APCDD1: variants seen among roughly 807,000 people sequenced by gnomAD.
The protein encoded by APCDD1 is protein APCDD1.
In APCDD1, 15 loss-of-function variants were observed where a neutral mutation model predicts 38.1. The ratio of observed to expected loss-of-function variants is 0.39; its 90% CI spans 0.26 to 0.61. APCDD1 has a LOEUF of 0.61. Among genes scored for constraint, APCDD1 ranks in the 20% least tolerant of loss-of-function variants. The pLI, the probability that APCDD1 is intolerant of heterozygous loss-of-function variation, is 0.49. For missense variants in APCDD1, 647 were observed against 696.2 expected (o/e 0.93, Z 0.79); for synonymous variants, 261 against 279.7 (o/e 0.93, Z 0.67).
chr18:10,474,566 T>C (rs1335584025), intron 3 of APCDD1, among the ~76,000 whole-genome samples: 1 of 152,212 alleles, frequency 6.6e-6, no homozygotes, highest in East Asian at 1.9e-4. Context: ...CAGGTTCTGG[T>C]TCCTTTTCCT....
In APCDD1 at chr18:10,470,327, G is replaced by A. The variant is rs981991148; in HGVS notation, c.243-1203G>A. The stretch of plus-strand genomic sequence containing the variant: ...TCTTTCCTTGTGGGAGAAATCTGGG[G>A]TGTTTGCTCTCTCCTTTTTCTAAGA... On this transcript the variant is annotated intron_variant, in intron 2 of 4. Transcript: ENST00000355285. This position sits in a 1 kb window ranked among gnomAD's most constrained non-coding sequence, Gnocchi z 4.1. Among the ~76,000 whole-genome samples the A allele has an allele frequency of 2.0e-5, 3 of 152,190 alleles. No homozygotes were observed. The highest frequency in any genetic ancestry group is 6.5e-5 in the Admixed American group (1 of 15,290).
intron 4 of APCDD1, 28 bp from the exon 5 acceptor site, chr18:10,487,562 T>G (rs2031274310): frequency 6.2e-7 from 1 of 1,611,144 alleles, no homozygotes; most frequent in Non-Finnish European, 8.5e-7. Context: ...CTCCCTGGAG[T>G]CATGGAACTC....
chr18:10,474,895 T>G (rs1196093942), intron 3 of APCDD1, among the ~76,000 whole-genome samples: 2 of 152,190 alleles, frequency 1.3e-5, no homozygotes, highest in African/African-American at 4.8e-5. Context: ...AAGCTGACCT[T>G]TTTAGAATTT....
chr18:10,481,931 C>T (rs2031149340), intron 3 of APCDD1, among the ~76,000 whole-genome samples: 2 of 152,132 alleles, frequency 1.3e-5, no homozygotes, highest in South Asian at 4.1e-4. Flanking sequence ...TGACCAAGTC[C>T]CACTGGGTCC....
chr18:10,487,566 G>A (rs1260963896), intron 4 of APCDD1, 24 bp from the exon 5 acceptor site: 1 of 1,612,812 alleles, frequency 6.2e-7, no homozygotes, highest in Non-Finnish European at 8.5e-7. Flanking sequence ...CTGGAGTCAT[G>A]GAACTCTCCT....
Position 10,485,331 on chromosome 18 carries a change from T to C in APCDD1, c.775-131T>C. 1.1e-6 allele frequency: 1 copy of C among 947,670 alleles called. No homozygotes were observed. The allele number at this position is 947,670 out of a possible 1,614,324, so 58.7% of individuals were successfully genotyped here. A position where few individuals can be genotyped will look rare whatever the true frequency, so the allele number is the denominator to read the frequency against. ...GTCTGTGCCCGGAGCATGATTCCAG[T>C]TGGTTCTTGGTGTCGAGGTTGTCAG... On this transcript the variant is annotated intron_variant, in intron 3 of 4. Coordinates refer to ENST00000355285, the MANE Select transcript of APCDD1 (RefSeq NM_153000.5). The surrounding 1 kb of genome is among the most constrained non-coding windows in gnomAD (Gnocchi z 5.8).
Position 10,471,088 on chromosome 18 carries a change from G to A in APCDD1, c.243-442G>A, listed in dbSNP as rs530132976. On this transcript the variant is annotated intron_variant, in intron 2 of 4. Coordinates refer to ENST00000355285, the MANE Select transcript of APCDD1 (RefSeq NM_153000.5). This position sits in a 1 kb window ranked among gnomAD's most constrained non-coding sequence, Gnocchi z 5.5. ...GGAAGTCGACCGTTTTTGAACTAGC[G>A]TAAGGGAACTTCTTTTATAGGCCAG... is the stretch of plus-strand genomic sequence containing the variant. 9.2e-5 allele frequency among the ~76,000 whole-genome samples: 14 copies of A among 152,338 alleles called. No individual in the cohort carries two copies. Among genetic ancestry groups the A allele is most frequent in the South Asian group, 2.1e-4 (1 of 4,826 alleles).
At chr18:10,463,474 A>G (rs1234413077) in intron 1 of APCDD1, among the ~76,000 whole-genome samples, 1 of 152,240 alleles carries the variant, frequency 6.6e-6, no homozygotes, top group Non-Finnish European at 1.5e-5. Flanking sequence ...GAAATCTGAG[A>G]CAAGTGTCCC....
chr18:10,486,990 G>A (rs1175769433), intron 4 of APCDD1, among the ~76,000 whole-genome samples: 1 of 152,300 alleles, frequency 6.6e-6, no homozygotes, highest in East Asian at 1.9e-4. Context: ...CACGGAAGTG[G>A]CCCCCTGGAG....
In APCDD1 at chr18:10,476,264, A is replaced by G. The variant is rs2030999400; in HGVS notation, c.774+4203A>G. The G allele has an allele frequency of 6.6e-6, 1 of 152,276 alleles. No individual in the cohort carries two copies. Among genetic ancestry groups the G allele is most frequent in the Non-Finnish European group, 1.5e-5 (1 of 68,054 alleles). 9.4% of individuals were successfully genotyped at this position (152,276 alleles called of 1,614,324 possible). On this transcript the variant is annotated intron_variant, in intron 3 of 4. Transcript: ENST00000355285. The surrounding 1 kb of genome is among the most constrained non-coding windows in gnomAD (Gnocchi z 5.8). ...TAGAAACAGGACACCGTGTAAAAAT[A>G]GAAACTTTAAGTCAACTTGTTTTTC...
chr18:10,478,005 A>G (rs1598399206), intron 3 of APCDD1: 1 of 152,190 alleles, frequency 6.6e-6, no homozygotes, highest in Admixed American at 6.5e-5. Context: ...GGCCTTTGTG[A>G]GCTCACTTCT....
Position 10,485,410 on chromosome 18 carries a change from T to C in APCDD1, c.775-52T>C. 1 of 1,603,552 alleles carries C rather than the reference T, an allele frequency of 6.2e-7. No homozygotes were observed. The highest frequency in any genetic ancestry group is 1.1e-5 in the South Asian group (1 of 90,876). Reference sequence around the variant, plus strand: ...CCATTTGCCGGAAGCATGTGTGCACTGCTCCCTTGGGAAGATAGAGGCCTC... The same window carrying C: ...CCATTTGCCGGAAGCATGTGTGCACCGCTCCCTTGGGAAGATAGAGGCCTC... On this transcript the variant is annotated intron_variant, in intron 3 of 4. Coordinates refer to ENST00000355285, the MANE Select transcript of APCDD1 (RefSeq NM_153000.5). This position sits in a 1 kb window ranked among gnomAD's most constrained non-coding sequence, Gnocchi z 5.8.
chr18:10,468,719 G>T lies in APCDD1; in HGVS notation c.242+67G>T, dbSNP rs540295256. ...CCACTATGGAAGACCCTTCTTATGG[G>T]TTCTCAGATGCAGAGACTTTATATC... On this transcript the variant is annotated intron_variant, in intron 2 of 4. Transcript: ENST00000355285. The T allele has an allele frequency of 1.7e-5, 26 of 1,510,126 alleles. No homozygotes were observed. The South Asian group carries it at 2.8e-4, about 16-fold the overall frequency. 93.5% of individuals were successfully genotyped at this position (1,510,126 alleles called of 1,614,324 possible).
At chr18:10,478,723 C>T (rs1236758926) in intron 3 of APCDD1, among the ~76,000 whole-genome samples, 1 of 152,202 alleles carries the variant, frequency 6.6e-6, no homozygotes, top group African/African-American at 2.4e-5. Context: ...TTTGAGGCGA[C>T]ACAAACATTC....
Position 10,487,917 on chromosome 18 carries a change from A to G in APCDD1, c.1424A>G (p.Asp475Gly). Reference protein sequence around the residue: ...QCASSSPRAEDLAEDSGSSLY... With the variant: ...QCASSSPRAEGLAEDSGSSLY... ...GCCTCCTCTTCGCCGAGGGCAGAGG[A>G]CCTCGCAGAAGACAGTGGAAGCAGC... The change falls in exon 5 of 5, where the codon GAC (aspartate) becomes GGC (glycine). Residue 475 changes from aspartate to glycine, a missense_variant. By Grantham distance (94) the Asp-to-Gly change is moderately conservative. Coordinates refer to ENST00000355285, the MANE Select transcript of APCDD1 (RefSeq NM_153000.5). 6.2e-7 allele frequency: 1 copy of G among 1,613,232 alleles called. No individual in the cohort carries two copies. Among genetic ancestry groups the G allele is most frequent in the South Asian group, 1.1e-5 (1 of 91,050 alleles).
intron 2 of APCDD1, among the ~76,000 whole-genome samples, 190 bp downstream of exon 2, chr18:10,468,842 A>G (rs2030782550): frequency 6.6e-6 from 1 of 152,256 alleles, no homozygotes; most frequent in African/African-American, 2.4e-5. Flanking sequence ...TACTGTAGAA[A>G]TCTTATGCTA....
chr18:10,466,412 C>T (rs1270414869), intron 1 of APCDD1, among the ~76,000 whole-genome samples: 2 of 148,990 alleles, frequency 1.3e-5, no homozygotes, highest in African/African-American at 5.0e-5. Context: ...GATGGGTGCC[C>T]ATGATAGGAG....
At chr18:10,460,937 A>T (rs546702631) in intron 1 of APCDD1, among the ~76,000 whole-genome samples, 2 of 152,228 alleles carry the variant, frequency 1.3e-5, no homozygotes, top group Non-Finnish European at 2.9e-5. Flanking sequence ...GGATGTGAAC[A>T]GTTAACCTGA....
Position 10,454,931 on chromosome 18 carries a change from G to C in APCDD1, c.-51G>C, listed in dbSNP as rs778821223. On this transcript the variant is annotated 5_prime_UTR_variant, in exon 1 of 5. Coordinates refer to ENST00000355285, the MANE Select transcript of APCDD1 (RefSeq NM_153000.5). ...GGGCAGAGCGCGCGCCCAGTTGCCC[G>C]GGCACCAAATCGGAGCGCGGCGTGC... 45 of 1,477,676 alleles carry C rather than the reference G, an allele frequency of 3.0e-5. 1 individual carries two copies. The highest frequency in any genetic ancestry group is 2.1e-4 in the East Asian group (7 of 33,736). 91.5% of individuals were successfully genotyped at this position (1,477,676 alleles called of 1,614,324 possible). A position where few individuals can be genotyped will look rare whatever the true frequency, so the allele number is the denominator to read the frequency against.
Sources: allele counts gnomAD v4.1 joint callset (sites outside exome capture counted in the v4.1 genomes callset), GRCh38; gene constraint gnomAD v4.1.1; non-coding constraint Gnocchi (gnomAD v3.1); transcripts MANE v1.5; gene names NCBI Gene and HGNC (gene_info 2026-07-23, HGNC 2026-07-21).